The following MAST4 variants were observed in gnomAD, a reference collection of about 807,000 sequenced individuals.
MAST4 encodes microtubule associated serine/threonine kinase family member 4, also known as microtubule-associated serine/threonine-protein kinase 4.
In MAST4, 89 loss-of-function variants were observed where a neutral mutation model predicts 162.7. That is an observed-to-expected ratio of 0.55 (90% CI 0.46 to 0.65). The LOEUF is 0.65. Among genes scored for constraint, MAST4 ranks in the 30% least tolerant of loss-of-function variants. The pLI, the probability that MAST4 is intolerant of heterozygous loss-of-function variation, is 0.00. For synonymous variants in MAST4, 1,479 were observed against 1,361.1 expected, an observed-to-expected ratio of 1.09 and a Z score of -1.91; for missense variants, 3,153 against 3,374.0, an observed-to-expected ratio of 0.93 and a Z score of 1.62.
intron 4 of MAST4, among the ~76,000 whole-genome samples, chr5:66,970,622 C>T (rs1283532279): frequency 6.6e-6 from 1 of 152,188 alleles, no homozygotes. Context: ...TATGCACTCA[C>T]CTTTTCACAT....
At chr5:66,884,347 C>T (rs762318855) in intron 3 of MAST4, among the ~76,000 whole-genome samples, 18 of 152,056 alleles carry the variant, frequency 1.2e-4, no homozygotes, top group African/African-American at 2.7e-4. Flanking sequence ...AGCAAAGGAA[C>T]CTTAAGTTTT....
At chr5:67,047,843 T>C (rs1010891920) in intron 4 of MAST4, among the ~76,000 whole-genome samples, 1 of 152,220 alleles carries the variant, frequency 6.6e-6, no homozygotes, top group African/African-American at 2.4e-5. Flanking sequence ...GTTGTTTGTC[T>C]CTGCTGCCTT....
chr5:66,627,241 AACTC>A (rs1418419672), intron 1 of MAST4, among the ~76,000 whole-genome samples: 10 of 152,170 alleles, frequency 6.6e-5, no homozygotes, highest in African/African-American at 1.4e-4. Context: ...ATCTTGTGAG[AACTC>A]ACTCACTATC....
chr5:67,137,689 A>G lies in MAST4; in HGVS notation c.2494+1025A>G, dbSNP rs187061616. On this transcript the variant is annotated intron_variant, in intron 19 of 28. Transcript: ENST00000403625. The stretch of plus-strand genomic sequence containing the variant: ...GAATGCTGTGCTACTAGAGTTTATG[A>G]TAATGCATTACAGCAAGGGTCAGCA... Among the ~76,000 whole-genome samples, 8 of 152,274 alleles carry G rather than the reference A, an allele frequency of 5.3e-5. No individual in the cohort carries two copies. In the East Asian group the frequency reaches 1.5e-3, roughly 29 times the overall value.
At chr5:66,842,764 A>G (rs1172487104) in intron 3 of MAST4, among the ~76,000 whole-genome samples, 5 of 152,188 alleles carry the variant, frequency 3.3e-5, no homozygotes, top group East Asian at 1.9e-4. Context: ...CTTGCAAGCT[A>G]TTGAAATGCA....
intron 4 of MAST4, chr5:66,963,834 G>T: frequency 1.3e-6 from 1 of 777,526 alleles, no homozygotes; most frequent in Non-Finnish European, 2.4e-6. Flanking sequence ...TCTTTCTGTT[G>T]CCCCATTTCC....
At chr5:67,094,572 C>T (rs951378883) in intron 6 of MAST4, among the ~76,000 whole-genome samples, 1 of 151,734 alleles carries the variant, frequency 6.6e-6, no homozygotes, top group Non-Finnish European at 1.5e-5. Flanking sequence ...TTTTTTTGCC[C>T]CTTGACAAAT....
chr5:67,100,292 A>T, intron 7 of MAST4, 143 bp from the exon 8 acceptor site: 1 of 743,698 alleles, frequency 1.3e-6, no homozygotes, highest in Non-Finnish European at 2.1e-6. Flanking sequence ...TTATACATTT[A>T]GGCAGTCGTT....
At chr5:66,796,866 A>G (rs531256789) in intron 3 of MAST4, among the ~76,000 whole-genome samples, 2 of 152,292 alleles carry the variant, frequency 1.3e-5, no homozygotes, top group South Asian at 4.1e-4. Flanking sequence ...AGCACCAAGG[A>G]CAGTGCCTGG....
At chr5:66,791,076 T>G (rs1755379390) in intron 3 of MAST4, among the ~76,000 whole-genome samples, 1 of 152,182 alleles carries the variant, frequency 6.6e-6, no homozygotes. Context: ...CAGGCTGGAG[T>G]GCAGTAGCAC....
intron 3 of MAST4, among the ~76,000 whole-genome samples, chr5:66,796,288 C>T (rs16895620): frequency 0.048 from 7,368 of 152,256 alleles, 264 homozygotes; most frequent in South Asian, 0.13. Flanking sequence ...TATTGCGATT[C>T]GGTCTAAGAA....
At chr5:66,782,465 CA>C (rs1414188932) in intron 2 of MAST4, among the ~76,000 whole-genome samples, 1 of 152,160 alleles carries the variant, frequency 6.6e-6, no homozygotes, top group East Asian at 1.9e-4. Flanking sequence ...TTGGCTAAAA[CA>C]GCAAAAATAA....
intron 10 of MAST4, among the ~76,000 whole-genome samples, chr5:67,106,918 G>C (rs1021966212): frequency 2.6e-5 from 4 of 152,156 alleles, no homozygotes; most frequent in African/African-American, 9.7e-5. Flanking sequence ...ACAACTGCAT[G>C]CCAAAATATT....
Position 67,000,562 on chromosome 5 carries a change from A to G in MAST4, c.675-53842A>G, listed in dbSNP as rs527240729. Among the ~76,000 whole-genome samples the G allele has an allele frequency of 2.4e-4, 36 of 152,216 alleles. No homozygotes were observed. The South Asian group carries it at 6.9e-3, about 29-fold the overall frequency. ...GGAGTTCGAGACCAGCCTGCCTAAC[A>G]TGGTGAAACCCCGTCCCTACTAAAA... On this transcript the variant is annotated intron_variant, in intron 4 of 28. Transcript: ENST00000403625.
chr5:66,764,563 C>G (rs944805646), intron 2 of MAST4, among the ~76,000 whole-genome samples: 1 of 151,804 alleles, frequency 6.6e-6, no homozygotes, highest in Non-Finnish European at 1.5e-5. Flanking sequence ...ATGGTAATGT[C>G]TAGATGATCC....
intron 2 of MAST4, among the ~76,000 whole-genome samples, chr5:66,777,212 G>A (rs1414246385): frequency 6.6e-6 from 1 of 152,228 alleles, no homozygotes; most frequent in African/African-American, 2.4e-5. Context: ...GATGGAACAA[G>A]AACCAGGTAT....
At chr5:67,057,650 C>A (rs1307984672) in intron 5 of MAST4, among the ~76,000 whole-genome samples, 1 of 134,842 alleles carries the variant, frequency 7.4e-6, no homozygotes, top group African/African-American at 2.6e-5. Context: ...AAATCACAGG[C>A]TCTTATGTCC....
chr5:66,783,739 T>A (rs965266757), intron 2 of MAST4, among the ~76,000 whole-genome samples: 1 of 152,148 alleles, frequency 6.6e-6, no homozygotes, highest in East Asian at 1.9e-4. Context: ...TGAGATGGCA[T>A]GCATGCTTGT....
intron 1 of MAST4, among the ~76,000 whole-genome samples, chr5:66,743,277 C>G (rs1247426406): frequency 6.6e-6 from 1 of 152,176 alleles, no homozygotes; most frequent in Non-Finnish European, 1.5e-5. Context: ...GTCATTTTCT[C>G]CTTCCCCTTT....
Sources: gnomAD v4.1 joint callset for allele counts (sites outside exome capture counted in the v4.1 genomes callset) on GRCh38, gnomAD v4.1.1 for gene constraint, MANE v1.5 for transcripts, NCBI Gene and HGNC (gene_info 2026-07-23, HGNC 2026-07-21) for gene names.